C3: variants seen among roughly 807,000 people sequenced by gnomAD.
C3 encodes the protein complement C3.
C3 carries 97 observed loss-of-function variants against 207.9 expected under a neutral mutation model. That is an observed-to-expected ratio of 0.47 (90% CI 0.40 to 0.55). The LOEUF (loss-of-function observed/expected upper bound fraction) is 0.55. C3 is among the 20% of genes least tolerant of loss of function. C3 has a pLI of 0.00. For synonymous variants in C3, 848 were observed against 857.6 expected (o/e 0.99, Z 0.20); for missense variants, 1,684 against 2,171.7 (o/e 0.78, Z 4.46).
Position 6,719,280 on chromosome 19 carries a change from T to C in C3, c.198A>G (p.Lys66=). 6.2e-7 allele frequency: 1 copy of C among 1,613,944 alleles called. No individual in the cohort carries two copies. Among genetic ancestry groups the C allele is most frequent in the Non-Finnish European group, 8.5e-7 (1 of 1,179,936 alleles). Residue 66 remains lysine (K), a synonymous_variant, in exon 2 of 41, where the codon AAA becomes AAG. Transcript: ENST00000245907. This position sits in a 1 kb window ranked among gnomAD's most constrained non-coding sequence, Gnocchi z 5.4. ...CAGTCTTCTCACTGGACAGCACTAG[T>C]TTTTTGCCTGGGAAGTCGTGGACAG... The part of the protein sequence containing the change: ...TVTVHDFPGK[K]LVLSSEKTVL...
rs141215829 is a variant in C3 at position 6,684,390 on chromosome 19, G to C, written c.4170C>G (p.Thr1390=). Residue 1390 remains threonine (T), a splice_region_variant and synonymous_variant, in exon 33 of 41, where the codon ACC becomes ACG. Coordinates refer to ENST00000245907, the MANE Select transcript of C3 (RefSeq NM_000064.4). ...ACCCCGGTGACCTAGCTTCTTACCTGGTACAGATCTCAAGGATCATAGTGT... is the reference window on the plus strand; with the variant it reads ...ACCCCGGTGACCTAGCTTCTTACCTCGTACAGATCTCAAGGATCATAGTGT... The part of the protein sequence containing the change: ...AKNTMILEIC[T]RYRGDQDATM... 24 of 1,613,384 alleles carry C rather than the reference G, an allele frequency of 1.5e-5. No individual in the cohort carries two copies. The Middle Eastern group carries it at 6.6e-4, about 44-fold the overall frequency.
At position 6,685,752 on chromosome 19, in the gene C3, T is replaced by C. The variant is rs573684277; in HGVS notation, c.3810+372A>G. Among the ~76,000 whole-genome samples the C allele has an allele frequency of 2.6e-5, 4 of 152,222 alleles. No homozygotes were observed. In the South Asian group the frequency reaches 8.3e-4, roughly 32 times the overall value. On this transcript the variant is annotated intron_variant, in intron 29 of 40. Transcript: ENST00000245907. ...GTGAGGCAATGTGACATTGGGAGCC[T>C]GGTAGAACTGGGAACATGGTCTAGA...
In C3 at chr19:6,711,142, G is replaced by C. The variant is rs759096496; in HGVS notation, c.1324C>G (p.Gln442Glu). ...CCCACGGTGCTGTAGGGCAGAGCCT[G>C]CATGGTCCTGGTAGCCTGCTCTGCC... Reference protein sequence around the residue: ...SEAEQATRTMQALPYSTVGNS... With the variant: ...SEAEQATRTMEALPYSTVGNS... The change falls in exon 12 of 41, where the codon CAG (glutamine) becomes GAG (glutamate). Residue 442 changes from glutamine to glutamate, a missense_variant. This residue lies in a region of C3 where 1,280 missense variants were observed against 1,739.1 expected (regional missense o/e 0.74). Coordinates refer to ENST00000245907, the MANE Select transcript of C3 (RefSeq NM_000064.4). 6.2e-7 allele frequency: 1 copy of C among 1,614,058 alleles called. No individual in the cohort carries two copies. The highest frequency in any genetic ancestry group is 8.5e-7 in the Non-Finnish European group (1 of 1,180,012).
chr19:6,684,992 T>C lies in C3; in HGVS notation c.3965A>G (p.Glu1322Gly), dbSNP rs1340720524. Reference sequence around the variant, plus strand: ...GGCTTGGCTGGGTGACTGTACCTCTTCTGATCGCAGGAGGCTGGCAGATTC... The same window carrying C: ...GGCTTGGCTGGGTGACTGTACCTCTCCTGATCGCAGGAGGCTGGCAGATTC... The part of the protein sequence containing the change: ...HWESASLLRS[E>G]ETKENEGFTV... The change falls in exon 30 of 41, where the codon GAA becomes GGA. Residue 1322 changes from glutamate to glycine, a missense_variant. Physicochemically the swap from Glu to Gly is moderately conservative, Grantham distance 98 (BLOSUM62 -2). Coordinates refer to ENST00000245907, the MANE Select transcript of C3 (RefSeq NM_000064.4). 6.2e-7 allele frequency: 1 copy of C among 1,613,330 alleles called. No homozygotes were observed. Among genetic ancestry groups the C allele is most frequent in the African/African-American group, 1.3e-5 (1 of 74,874 alleles).
At chr19:6,707,004 T>G in intron 17 of C3, 72 bp downstream of exon 17, 1 of 283,296 alleles carries the variant, frequency 3.5e-6, no homozygotes, top group Non-Finnish European at 5.6e-6. Context: ...CAGGGCATCC[T>G]CCCTCCTCAG....
chr19:6,691,462 C>A (rs1023785281), intron 26 of C3, among the ~76,000 whole-genome samples: 1 of 152,010 alleles, frequency 6.6e-6, no homozygotes, highest in Non-Finnish European at 1.5e-5. Flanking sequence ...AAAAAGTGTC[C>A]CTGAGGGAGT....
intron 15 of C3, 71 bp from the exon 16 acceptor site, chr19:6,707,608 A>G (rs192640597): frequency 1.3e-6 from 2 of 1,566,562 alleles, no homozygotes; most frequent in African/African-American, 2.7e-5. Flanking sequence ...ACCCCTCACG[A>G]TCGTGTGAGG....
intron 24 of C3, 76 bp from the exon 25 acceptor site, chr19:6,693,563 G>A: frequency 7.6e-7 from 1 of 1,310,078 alleles, no homozygotes; most frequent in Non-Finnish European, 1.1e-6. Context: ...GCAGGGGCGG[G>A]GTGCAGAGAG....
At chr19:6,685,210 G>A in intron 29 of C3, 64 bp from the exon 30 acceptor site, 2 of 1,482,850 alleles carry the variant, frequency 1.3e-6, no homozygotes, top group Non-Finnish European at 1.9e-6. Flanking sequence ...GAATCCAGTG[G>A]GGGATAAAGA....
chr19:6,682,801 T>C, intron 33 of C3: 1 of 159,360 alleles, frequency 6.3e-6, no homozygotes, highest in East Asian at 1.8e-4. Flanking sequence ...AAGTGTGTAG[T>C]TCTGTTGCCT....
rs1555684195 is a variant in C3 at position 6,689,320 on chromosome 19, T to TCTACCTAC, written c.3489+1301_3489+1308dup. On this transcript the variant is annotated intron_variant, in intron 27 of 40. Coordinates refer to ENST00000245907, the MANE Select transcript of C3 (RefSeq NM_000064.4). ...TCTCCTCTCTCTCTCTCTCTCTCTC[T>TCTACCTAC]CTACCTACCTCCCTCCCTCCCTCCC... Among the ~76,000 whole-genome samples, 150 of 72,370 alleles carry TCTACCTAC rather than the reference T, an allele frequency of 2.1e-3. 3 individuals carry two copies. Among genetic ancestry groups the TCTACCTAC allele is most frequent in the African/African-American group, 6.3e-3 (98 of 15,550 alleles). The allele number at this position is 72,370 out of a possible 152,430, so 47.5% of individuals were successfully genotyped here. A position where few individuals can be genotyped will look rare whatever the true frequency, so the allele number is the denominator to read the frequency against.
At position 6,710,678 on chromosome 19, in the gene C3, G is replaced by T; in HGVS notation, c.1647C>A (p.Asp549Glu). The T allele has an allele frequency of 1.2e-6, 2 of 1,613,390 alleles. No homozygotes were observed. Among genetic ancestry groups the T allele is most frequent in the Non-Finnish European group, 1.7e-6 (2 of 1,179,892 alleles). ...AGTCCTTGACGTCCACCCACACGGA[G>T]TCGGCCACCACCTCCCTCTGGCCGC... ...GASGQREVVADSVWVDVKDSC... is the reference protein window; with the variant it reads ...GASGQREVVAESVWVDVKDSC... Residue 549 changes from aspartate to glutamate, a missense_variant, in exon 13 of 41, where the codon GAC becomes GAA. Asp to Glu is a conservative substitution (Grantham distance 45, BLOSUM62 2). Around this residue, in one of 3 missense-constraint regions of C3, gnomAD observed 1,280 missense variants for 1,739.1 expected, o/e 0.74. Coordinates refer to ENST00000245907, the MANE Select transcript of C3 (RefSeq NM_000064.4).
Position 6,694,595 on chromosome 19 carries a change from G to A in C3, c.2990C>T (p.Ala997Val). ...CACAATGAGGTGCTTCAGCCGTTCC[G>A]CGTCGACGGCATCCTCTGTCATCTG... Reference protein sequence around the residue: ...VAQMTEDAVDAERLKHLIVTP... With the variant: ...VAQMTEDAVDVERLKHLIVTP... The change falls in exon 24 of 41, where the codon GCG becomes GTG. Residue 997 changes from alanine (A) to valine (V), a missense_variant. Physicochemically the swap from Ala to Val is moderately conservative, Grantham distance 64. Around this residue, in one of 3 missense-constraint regions of C3, gnomAD observed 1,280 missense variants for 1,739.1 expected, o/e 0.74. Transcript: ENST00000245907. 6.2e-7 allele frequency: 1 copy of A among 1,613,630 alleles called. No homozygotes were observed. Among genetic ancestry groups the A allele is most frequent in the Non-Finnish European group, 8.5e-7 (1 of 1,179,938 alleles).
intron 16 of C3, 62 bp downstream of exon 16, chr19:6,707,404 G>A: frequency 1.9e-6 from 3 of 1,604,740 alleles, no homozygotes; most frequent in Non-Finnish European, 2.6e-6. Flanking sequence ...GCTCCTGCAC[G>A]GCCGGGCTGG....
chr19:6,708,380 G>A (rs948469173), intron 14 of C3, among the ~76,000 whole-genome samples: 2 of 151,948 alleles, frequency 1.3e-5, no homozygotes, highest in African/African-American at 2.4e-5. Context: ...GAAATGATTC[G>A]CCTGTCTTGG....
Position 6,711,194 on chromosome 19 carries a change from C to T in C3, c.1272G>A (p.Val424=). ...HPSQKPLSIT[V]RTKKQELSEA... ...CCGAGAGCTCCTGCTTCTTCGTGCG[C>T]ACCTGGGTGGGGAAAGAGGGATGCC... The change falls in exon 12 of 41, where the codon GTG becomes GTA. Residue 424 remains valine (V), a splice_region_variant and synonymous_variant. Coordinates refer to ENST00000245907, the MANE Select transcript of C3 (RefSeq NM_000064.4). 6.2e-7 allele frequency: 1 copy of T among 1,612,028 alleles called. No individual in the cohort carries two copies.
chr19:6,692,659 C>T (rs1918196154), intron 26 of C3, among the ~76,000 whole-genome samples: 1 of 152,190 alleles, frequency 6.6e-6, no homozygotes, highest in Admixed American at 6.5e-5. Context: ...GGCAGGACCC[C>T]TGCACTTGGT....
chr19:6,691,960 C>G (rs142073503), intron 26 of C3, among the ~76,000 whole-genome samples: 15 of 150,636 alleles, frequency 1.0e-4, no homozygotes, highest in Non-Finnish European at 1.8e-4. Context: ...GCACTCCAGC[C>G]TGGGTGACAA....
At chr19:6,702,908 C>T (rs948727658) in intron 17 of C3, 8 of 345,902 alleles carry the variant, frequency 2.3e-5, no homozygotes, top group Non-Finnish European at 4.5e-5. Flanking sequence ...GTGGCGCGTG[C>T]CTGTGATCCC....
Sources: gnomAD v4.1 joint callset for allele counts (sites outside exome capture counted in the v4.1 genomes callset) on GRCh38, gnomAD v4.1.1 for gene constraint, gnomAD v4.1.1 regional missense constraint, Gnocchi (gnomAD v3.1) non-coding constraint, MANE v1.5 for transcripts, NCBI Gene and HGNC (gene_info 2026-07-23, HGNC 2026-07-21) for gene names.